Variants in SSH2 observed in about 807,000 individuals in gnomAD.
SSH2 encodes slingshot protein phosphatase 2.
Under a neutral mutation model 135.2 loss-of-function variants are expected in SSH2, and 37 were observed. That is an observed-to-expected ratio of 0.27 (90% confidence interval 0.21 to 0.36). SSH2 has a LOEUF of 0.36. Ranked by LOEUF, SSH2 falls within the 10% of genes least tolerant of loss-of-function variation. The pLI, the probability that SSH2 is intolerant of heterozygous loss-of-function variation, is 1.00. For synonymous variants in SSH2, 628 were observed against 646.2 expected, an observed-to-expected ratio of 0.97 and a Z score of 0.43; for missense variants, 1,408 against 1,765.3, an observed-to-expected ratio of 0.80 and a Z score of 3.63.
intron 1 of SSH2, among the ~76,000 whole-genome samples, chr17:29,919,780 T>G (rs780582647): frequency 1.3e-5 from 2 of 152,038 alleles, no homozygotes; most frequent in Non-Finnish European, 2.9e-5. Context: ...TTTAATGGAT[T>G]AACAAATAAA....
chr17:29,807,759 C>A (rs1324533704), intron 2 of SSH2, among the ~76,000 whole-genome samples: 1 of 151,272 alleles, frequency 6.6e-6, no homozygotes, highest in Non-Finnish European at 1.5e-5. Context: ...GGACTTTGAA[C>A]CTGATCCTAT....
intron 2 of SSH2, among the ~76,000 whole-genome samples, chr17:29,841,575 C>T (rs2043041707): frequency 6.6e-6 from 1 of 152,200 alleles, no homozygotes; most frequent in Non-Finnish European, 1.5e-5. Context: ...TAATCAAATG[C>T]ATACAGCCAA....
At chr17:29,841,688 C>T (rs1182479590) in intron 2 of SSH2, among the ~76,000 whole-genome samples, 1 of 152,068 alleles carries the variant, frequency 6.6e-6, no homozygotes, top group African/African-American at 2.4e-5. Flanking sequence ...TATGGAGGTG[C>T]AAAAATTAGC....
At chr17:29,760,272 C>T (rs1480794014) in intron 3 of SSH2, among the ~76,000 whole-genome samples, 1 of 152,124 alleles carries the variant, frequency 6.6e-6, no homozygotes, top group Non-Finnish European at 1.5e-5. Flanking sequence ...TGCTTAAGTG[C>T]AAAGAGTCTA....
chr17:29,918,862 G>C (rs1433044948), intron 1 of SSH2, among the ~76,000 whole-genome samples: 1 of 152,034 alleles, frequency 6.6e-6, no homozygotes, highest in Non-Finnish European at 1.5e-5. Context: ...ACTTGAACCC[G>C]GGAGGCGGAG....
Position 29,672,860 on chromosome 17 carries a change from C to A in SSH2, c.615-731G>T, listed in dbSNP as rs573116253. Among the ~76,000 whole-genome samples the A allele has an allele frequency of 4.6e-5, 7 of 152,262 alleles. No individual in the cohort carries two copies. The South Asian group carries it at 1.5e-3, about 32-fold the overall frequency. ...TAGCTGGGATTACAGGTGCATGCCACTACACCGGGCTGATTTTTGTATTTT... is the reference window on the plus strand; with the variant it reads ...TAGCTGGGATTACAGGTGCATGCCAATACACCGGGCTGATTTTTGTATTTT... On this transcript the variant is annotated intron_variant, in intron 8 of 15. Coordinates refer to ENST00000540801, the MANE Select transcript of SSH2 (RefSeq NM_001282129.2).
At chr17:29,680,362 T>C (rs1260624366) in intron 6 of SSH2, among the ~76,000 whole-genome samples, 1 of 151,172 alleles carries the variant, frequency 6.6e-6, no homozygotes, top group African/African-American at 2.4e-5. Context: ...CTGGCCAACA[T>C]GGCGAAACTC....
chr17:29,895,208 TTATA>T lies in SSH2; in HGVS notation c.63+34726_63+34729del, dbSNP rs1297982316. Among the ~76,000 whole-genome samples the T allele has an allele frequency of 8.4e-5, 12 of 143,172 alleles. No individual in the cohort carries two copies. In the East Asian group the frequency reaches 2.0e-3, roughly 24 times the overall value. 93.9% of individuals were successfully genotyped at this position (143,172 alleles called of 152,430 possible). ...TATTTTATATACATTATATTATATA[TTATA>T]TATATTTTATAAATACATTTTATAT... On this transcript the variant is annotated intron_variant, in intron 1 of 15. Transcript: ENST00000540801.
chr17:29,848,782 G>T, intron 2 of SSH2, 67 bp downstream of exon 2: 1 of 1,068,612 alleles, frequency 9.4e-7, no homozygotes, highest in Non-Finnish European at 1.4e-6. Context: ...GCATTTAATA[G>T]CCAAATTTAC....
intron 4 of SSH2, among the ~76,000 whole-genome samples, chr17:29,696,620 TATACACAC>T (rs1413000633): frequency 2.2e-5 from 3 of 136,110 alleles, no homozygotes; most frequent in Non-Finnish European, 1.6e-5. Flanking sequence ...TACATATATA[TATACACAC>T]ACACACACAC....
At chr17:29,643,298 T>C (rs2150986477) in intron 14 of SSH2, 1 of 985,292 alleles carries the variant, frequency 1.0e-6, no homozygotes, top group Non-Finnish European at 1.2e-6. Context: ...AACAGCTATA[T>C]ATCCAACAGC....
intron 9 of SSH2, among the ~76,000 whole-genome samples, chr17:29,668,155 T>A (rs1692698793): frequency 6.6e-6 from 1 of 152,232 alleles, no homozygotes; most frequent in Admixed American, 6.5e-5. Flanking sequence ...CTTTCAGGCA[T>A]CCTGCCTGCC....
chr17:29,644,424 T>A (rs936529471), intron 14 of SSH2, among the ~76,000 whole-genome samples: 1 of 152,216 alleles, frequency 6.6e-6, no homozygotes, highest in Non-Finnish European at 1.5e-5. Context: ...TCCTCTCTTT[T>A]TGGGTCTAGG....
Position 29,696,210 on chromosome 17 carries a change from T to C in SSH2, c.293-687A>G, listed in dbSNP as rs866740191. 8.3e-3 allele frequency among the ~76,000 whole-genome samples: 990 copies of C among 118,756 alleles called. 13 individuals are homozygous for C. The highest frequency in any genetic ancestry group is 0.024 in the African/African-American group (850 of 36,008). The allele number at this position is 118,756 out of a possible 152,430, so 77.9% of individuals were successfully genotyped here. ...ACACACACACACACACACACACACA[T>C]ATGTATATACGTATACATATACACA... is the stretch of plus-strand genomic sequence containing the variant. On this transcript the variant is annotated intron_variant, in intron 4 of 15. Coordinates refer to ENST00000540801, the MANE Select transcript of SSH2 (RefSeq NM_001282129.2).
intron 3 of SSH2, among the ~76,000 whole-genome samples, chr17:29,718,270 G>A (rs1598869763): frequency 1.3e-5 from 2 of 151,926 alleles, no homozygotes; most frequent in South Asian, 4.2e-4. Flanking sequence ...TCTTAAATAG[G>A]ATGTCTTCCA....
intron 2 of SSH2, among the ~76,000 whole-genome samples, chr17:29,835,395 T>C (rs1212788483): frequency 1.3e-5 from 2 of 152,198 alleles, no homozygotes; most frequent in Middle Eastern, 3.2e-3. Flanking sequence ...AAATTCAAGG[T>C]TGTATTTCAT....
At chr17:29,747,262 A>C (rs1185081981) in intron 3 of SSH2, among the ~76,000 whole-genome samples, 2 of 152,210 alleles carry the variant, frequency 1.3e-5, no homozygotes, top group East Asian at 3.8e-4. Flanking sequence ...TGGAAACCTA[A>C]ATTGTTACAA....
Position 29,635,568 on chromosome 17 carries a change from T to C in SSH2, c.2262+400A>G, listed in dbSNP as rs571808355. Among the ~76,000 whole-genome samples the C allele has an allele frequency of 4.9e-3, 749 of 151,606 alleles. 4 individuals are homozygous for C. Among genetic ancestry groups the C allele is most frequent in the African/African-American group, 0.017 (721 of 41,278 alleles). On this transcript the variant is annotated intron_variant, in intron 15 of 15. Coordinates refer to ENST00000540801, the MANE Select transcript of SSH2 (RefSeq NM_001282129.2). ...TACAGGCGCCGCCCGCCACCACACC[T>C]GGCTAATTTTTTGTATTTTTTAGTA...
chr17:29,709,052 A>AGAGAGAGC (rs1491229455), intron 3 of SSH2, among the ~76,000 whole-genome samples: 16 of 144,650 alleles, frequency 1.1e-4, no homozygotes, highest in East Asian at 8.0e-4. Flanking sequence ...AGAGAGAGAG[A>AGAGAGAGC]GCTAATAATA....
Sources: allele counts gnomAD v4.1 joint callset (sites outside exome capture counted in the v4.1 genomes callset), GRCh38; gene constraint gnomAD v4.1.1; transcripts MANE v1.5; gene names NCBI Gene and HGNC (gene_info 2026-07-23, HGNC 2026-07-21).